The following SPG11 variants were observed in gnomAD, a reference collection of about 807,000 sequenced individuals.
The protein encoded by SPG11 is SPG11 vesicle trafficking associated, spatacsin, also known as spatacsin.
In SPG11, 222 loss-of-function variants were observed where a neutral mutation model predicts 274.0. That is an observed-to-expected ratio of 0.81 (90% CI 0.73 to 0.91). SPG11 has a LOEUF of 0.91. Among genes scored for constraint, SPG11 ranks in the 40% least tolerant of loss-of-function variants. The pLI is 0.00. For synonymous variants in SPG11, 1,144 were observed against 1,039.7 expected (o/e 1.10, Z -1.93); for missense variants, 3,114 against 2,872.7 (o/e 1.08, Z -1.92).
chr15:44,596,808 T>G lies in SPG11; in HGVS notation c.4137A>C (p.Gln1379His), dbSNP rs748617459. 1 of 1,613,830 alleles carries G rather than the reference T, an allele frequency of 6.2e-7. No individual in the cohort carries two copies. The highest frequency in any genetic ancestry group is 8.5e-7 in the Non-Finnish European group (1 of 1,179,974). The part of the protein sequence containing the change: ...NDWLQFIIHS[Q>H]LHNYHPAEVK... ...CCTCTGCTGGGTGGTAGTTGTGGAG[T>G]TGGCTGTGAATAATGAACTGCAGCC... Residue 1379 changes from glutamine to histidine, a missense_variant, in exon 24 of 40, where the codon CAA (glutamine) becomes CAC (histidine). By Grantham distance (24) the Gln-to-His change is conservative. Coordinates refer to ENST00000261866, the MANE Select transcript of SPG11 (RefSeq NM_025137.4).
intron 7 of SPG11, among the ~76,000 whole-genome samples, chr15:44,646,184 T>C (rs2084604297): frequency 6.6e-6 from 1 of 152,162 alleles, no homozygotes; most frequent in Non-Finnish European, 1.5e-5. Flanking sequence ...TGCACACATA[T>C]ATTCCTCACG....
At chr15:44,632,478 T>C (rs908062457) in intron 8 of SPG11, among the ~76,000 whole-genome samples, 1 of 151,846 alleles carries the variant, frequency 6.6e-6, no homozygotes, top group Non-Finnish European at 1.5e-5. Context: ...TCTTGAAAAG[T>C]GTTGGTAATA....
At chr15:44,595,099 G>A (rs1344728040) in intron 26 of SPG11, among the ~76,000 whole-genome samples, 160 bp downstream of exon 26, 1 of 152,206 alleles carries the variant, frequency 6.6e-6, no homozygotes, top group Non-Finnish European at 1.5e-5. Flanking sequence ...TTACAGGCGT[G>A]AGCCACTGCG....
chr15:44,651,647 C>T lies in SPG11; in HGVS notation c.1300G>A (p.Gly434Arg), dbSNP rs1214988585. ...TCCCAAGTAAACAGTGCAGTGAATCCTGTCACAGACACACATTTAAGCTCT... is the reference window on the plus strand; with the variant it reads ...TCCCAAGTAAACAGTGCAGTGAATCTTGTCACAGACACACATTTAAGCTCT... ...PIELKCVSVT[G>R]FTALFTWEVE... is the part of the protein sequence containing the mutation. Residue 434 changes from glycine to arginine, a missense_variant, in exon 6 of 40, where the codon GGA becomes AGA. By Grantham distance (125) the Gly-to-Arg change is moderately radical. Transcript: ENST00000261866. 6.2e-7 allele frequency: 1 copy of T among 1,614,236 alleles called. No homozygotes were observed. The highest frequency in any genetic ancestry group is 1.3e-5 in the African/African-American group (1 of 75,056).
intron 7 of SPG11, among the ~76,000 whole-genome samples, chr15:44,643,393 CTTAA>C (rs1355031137): frequency 2.4e-4 from 37 of 152,162 alleles, no homozygotes; most frequent in African/African-American, 8.7e-4. Flanking sequence ...TTACAGAAGA[CTTAA>C]TTATTTTTCT....
At position 44,563,008 on chromosome 15, in the gene SPG11, G is replaced by T; in HGVS notation, c.*113C>A. The T allele has an allele frequency of 9.6e-7, 1 of 1,046,146 alleles. No homozygotes were observed. Among genetic ancestry groups the T allele is most frequent in the Non-Finnish European group, 1.5e-6 (1 of 687,626 alleles). The allele number at this position is 1,046,146 out of a possible 1,614,324, so 64.8% of individuals were successfully genotyped here. A position where few individuals can be genotyped will look rare whatever the true frequency, so the allele number is the denominator to read the frequency against. ...CCTACTACCCACAAAGGACTGATAT[G>T]GTACAGTACCGGGATTGTTCAACTT... On this transcript the variant is annotated 3_prime_UTR_variant, in exon 40 of 40. Coordinates refer to ENST00000261866, the MANE Select transcript of SPG11 (RefSeq NM_025137.4).
intron 7 of SPG11, among the ~76,000 whole-genome samples, chr15:44,638,080 T>A (rs1306234104): frequency 6.6e-6 from 1 of 152,132 alleles, no homozygotes; most frequent in Non-Finnish European, 1.5e-5. Context: ...GTTAAAAAAA[T>A]AAAACACAAC....
chr15:44,580,024 T>C (rs1290021848), intron 30 of SPG11, among the ~76,000 whole-genome samples: 1 of 152,238 alleles, frequency 6.6e-6, no homozygotes, highest in Non-Finnish European at 1.5e-5. Context: ...GAGCAACTTC[T>C]AGTCCTGCAA....
At position 44,573,852 on chromosome 15, in the gene SPG11, A is replaced by G. The variant is rs925857849; in HGVS notation, c.6007-107T>C. Reference sequence around the variant, plus strand: ...ACAGACTCCACTGTATTCTGAGCTTACAGACTCCTCACCCTCAGCAGGAAC... The same window carrying G: ...ACAGACTCCACTGTATTCTGAGCTTGCAGACTCCTCACCCTCAGCAGGAAC... On this transcript the variant is annotated intron_variant, in intron 31 of 39. Coordinates refer to ENST00000261866, the MANE Select transcript of SPG11 (RefSeq NM_025137.4). The G allele has an allele frequency of 1.5e-5, 15 of 1,015,310 alleles. No individual in the cohort carries two copies. The African/African-American group carries it at 2.4e-4, about 16-fold the overall frequency. The allele number at this position is 1,015,310 out of a possible 1,614,324, so 62.9% of individuals were successfully genotyped here.
chr15:44,571,818 A>T (rs993295103), intron 33 of SPG11, among the ~76,000 whole-genome samples: 1 of 151,692 alleles, frequency 6.6e-6, no homozygotes, highest in Non-Finnish European at 1.5e-5. Flanking sequence ...TTAGAGATGG[A>T]TCTTACTCTG....
chr15:44,585,447 A>AG (rs1328942039), intron 29 of SPG11, among the ~76,000 whole-genome samples, 189 bp downstream of exon 29: 1 of 149,998 alleles, frequency 6.7e-6, no homozygotes, highest in Admixed American at 6.6e-5. Flanking sequence ...AAAAAAAAAA[A>AG]AAAATTCAGC....
chr15:44,593,376 G>A (rs1315995813), intron 26 of SPG11, among the ~76,000 whole-genome samples: 1 of 151,990 alleles, frequency 6.6e-6, no homozygotes, highest in Admixed American at 6.6e-5. Flanking sequence ...ATTTTTTGTA[G>A]AGACGGGGTT....
intron 33 of SPG11, among the ~76,000 whole-genome samples, chr15:44,571,768 A>G (rs187755819): frequency 6.6e-6 from 1 of 151,974 alleles, no homozygotes; most frequent in African/African-American, 2.4e-5. Context: ...AAGTGCTGGG[A>G]TTACAGGCTT....
chr15:44,629,131 A>T (rs1400782557), intron 9 of SPG11, 102 bp downstream of exon 9: 1 of 1,338,874 alleles, frequency 7.5e-7, no homozygotes, highest in Non-Finnish European at 1.1e-6. Context: ...AATGTAGTAA[A>T]TGGCGTGCCA....
Position 44,583,981 on chromosome 15 carries a change from T to C in SPG11, c.5699A>G (p.Tyr1900Cys), listed in dbSNP as rs779843750. 3.1e-6 allele frequency: 5 copies of C among 1,614,164 alleles called. No homozygotes were observed. The Admixed American group carries it at 8.3e-5, about 27-fold the overall frequency. Residue 1900 changes from tyrosine (Y) to cysteine (C), a missense_variant, in exon 30 of 40, where the codon TAT becomes TGT. Coordinates refer to ENST00000261866, the MANE Select transcript of SPG11 (RefSeq NM_025137.4). Reference protein sequence around the residue: ...CVHEASRVCRYFHFYNPDVAL... With the variant: ...CVHEASRVCRCFHFYNPDVAL... ...GACATCTGGATTATAAAAATGAAAA[T>C]ACCGGCATACTCTACTTGCTTCATG...
chr15:44,658,948 T>C (rs1039401830), intron 3 of SPG11, 131 bp downstream of exon 3: 6 of 784,972 alleles, frequency 7.6e-6, no homozygotes, highest in African/African-American at 1.7e-5. Flanking sequence ...TCTTTTTCCA[T>C]GAAAAGTTTT....
intron 7 of SPG11, among the ~76,000 whole-genome samples, chr15:44,634,350 C>A (rs1029491972): frequency 6.6e-6 from 1 of 152,134 alleles, no homozygotes; most frequent in Non-Finnish European, 1.5e-5. Context: ...TCTCACCTCA[C>A]TGCAACCTCT....
At chr15:44,589,991 T>A (rs1296764844) in intron 27 of SPG11, among the ~76,000 whole-genome samples, 1 of 152,074 alleles carries the variant, frequency 6.6e-6, no homozygotes, top group Non-Finnish European at 1.5e-5. Flanking sequence ...GTATTTTTAA[T>A]AGAGATGGGG....
chr15:44,638,795 A>C (rs1304952397), intron 7 of SPG11, among the ~76,000 whole-genome samples: 2 of 152,170 alleles, frequency 1.3e-5, no homozygotes, highest in African/African-American at 4.8e-5. Context: ...TTGGAGTTCA[A>C]GACCAGGCTG....
Sources: gnomAD v4.1 joint callset for allele counts (sites outside exome capture counted in the v4.1 genomes callset) on GRCh38, gnomAD v4.1.1 for gene constraint, MANE v1.5 for transcripts, NCBI Gene and HGNC (gene_info 2026-07-23, HGNC 2026-07-21) for gene names.